The following ANXA1 variants were observed in gnomAD, a reference collection of about 807,000 sequenced individuals.
The protein encoded by ANXA1 is annexin I (lipocortin I).
ANXA1 carries 39 observed loss-of-function variants against 47.9 expected under a neutral mutation model. That is an observed-to-expected ratio of 0.81 (90% CI 0.63 to 1.06). ANXA1 has a LOEUF of 1.06. Among genes scored for constraint, ANXA1 ranks in the 50% least tolerant of loss-of-function variants. ANXA1 has a pLI of 0.00. For missense variants in ANXA1, 446 were observed against 422.7 expected (o/e 1.06, Z -0.48); for synonymous variants, 146 against 142.5 (o/e 1.02, Z -0.17).
chr9:73,152,625 A>G (rs1381603048), intron 1 of ANXA1, among the ~76,000 whole-genome samples: 2 of 152,208 alleles, frequency 1.3e-5, no homozygotes. Flanking sequence ...CCTAAAAAGA[A>G]GGGAAATACT....
At chr9:73,165,964 G>A (rs959423627) in intron 9 of ANXA1, 133 bp from the exon 10 acceptor site, 3 of 593,122 alleles carry the variant, frequency 5.1e-6, no homozygotes, top group African/African-American at 1.9e-5. Flanking sequence ...TGATTAATTG[G>A]GTATATTGCT....
At chr9:73,167,710 T>A in intron 11 of ANXA1, 155 bp downstream of exon 11, 1 of 661,210 alleles carries the variant, frequency 1.5e-6, no homozygotes, top group Non-Finnish European at 2.5e-6. Flanking sequence ...CACTACCTTC[T>A]CAGAATAAAC....
chr9:73,156,066 T>G (rs1824040760), intron 1 of ANXA1, among the ~76,000 whole-genome samples: 1 of 148,480 alleles, frequency 6.7e-6, no homozygotes, highest in Admixed American at 6.7e-5. Context: ...TTCTTTTGCT[T>G]TCTTTTGAAG....
intron 10 of ANXA1, among the ~76,000 whole-genome samples, chr9:73,166,747 G>T (rs141969325): frequency 6.9e-4 from 105 of 152,256 alleles, no homozygotes; most frequent in African/African-American, 2.5e-3. Flanking sequence ...TGGAAAGCTT[G>T]TTAAAATGCA....
At chr9:73,152,843 G>A (rs917849443) in intron 1 of ANXA1, among the ~76,000 whole-genome samples, 5 of 152,114 alleles carry the variant, frequency 3.3e-5, no homozygotes, top group African/African-American at 1.2e-4. Flanking sequence ...TCTTAAACAT[G>A]TTCCTTCAAG....
intron 3 of ANXA1, 28 bp from the exon 4 acceptor site, chr9:73,159,301 T>C: frequency 2.5e-6 from 4 of 1,582,374 alleles, no homozygotes; most frequent in Non-Finnish European, 3.5e-6. Context: ...AAAATTGGTG[T>C]TAAAGGCTGT....
At chr9:73,167,115 G>A (rs1263295633) in intron 10 of ANXA1, among the ~76,000 whole-genome samples, 2 of 152,058 alleles carry the variant, frequency 1.3e-5, no homozygotes, top group Non-Finnish European at 2.9e-5. Flanking sequence ...AGTCTGCAGT[G>A]TCTGTTGTTC....
intron 6 of ANXA1, 130 bp from the exon 7 acceptor site, chr9:73,162,652 T>G (rs1467727069): frequency 1.9e-6 from 1 of 522,920 alleles, no homozygotes; most frequent in Non-Finnish European, 3.2e-6. Context: ...AATGATAATA[T>G]TTTGCAACAT....
At chr9:73,163,635 C>A (rs1824180811) in intron 8 of ANXA1, 103 bp downstream of exon 8, 4 of 1,136,568 alleles carry the variant, frequency 3.5e-6, no homozygotes, top group Non-Finnish European at 3.9e-6. Flanking sequence ...TTCTGAGAGA[C>A]CAATGGCTTC....
Position 73,170,195 on chromosome 9 carries a change from C to T in ANXA1, c.*88C>T. 18 of 1,094,558 alleles carry T rather than the reference C, an allele frequency of 1.6e-5. No homozygotes were observed. The highest frequency in any genetic ancestry group is 2.1e-5 in the Non-Finnish European group (16 of 761,340). The allele number at this position is 1,094,558 out of a possible 1,614,324, so 67.8% of individuals were successfully genotyped here. On this transcript the variant is annotated 3_prime_UTR_variant, in exon 13 of 13. Coordinates refer to ENST00000257497, the MANE Select transcript of ANXA1 (RefSeq NM_000700.3). ...AGCTTAAATAGGAAAGTTTCTTCAACAGGATTACAGTGTAGCTACCTACAT... is the reference window on the plus strand; with the variant it reads ...AGCTTAAATAGGAAAGTTTCTTCAATAGGATTACAGTGTAGCTACCTACAT...
chr9:73,153,943 G>A (rs1023001978), intron 1 of ANXA1, among the ~76,000 whole-genome samples: 1 of 152,176 alleles, frequency 6.6e-6, no homozygotes, highest in Non-Finnish European at 1.5e-5. Flanking sequence ...GGAGAGCATG[G>A]AAGGTCACCG....
At chr9:73,165,518 A>G (rs75749617) in intron 9 of ANXA1, 2,425 of 179,928 alleles carry the variant, frequency 0.013, 60 homozygotes, top group African/African-American at 0.055. Context: ...AAATGAAATT[A>G]GAATGAAGAA....
intron 1 of ANXA1, among the ~76,000 whole-genome samples, chr9:73,153,925 A>G (rs1824007752): frequency 6.6e-6 from 1 of 152,148 alleles, no homozygotes. Flanking sequence ...TGAAGTCAGG[A>G]TGCTTTGGGA....
At position 73,163,877 on chromosome 9, in the gene ANXA1, A is replaced by G. The variant is rs534267137; in HGVS notation, c.612+345A>G. ...GTAATTTTTTTATTATGTGCAATGG[A>G]AAGAGTAAGCATATTTAACGTTATT... On this transcript the variant is annotated intron_variant, in intron 8 of 12. Coordinates refer to ENST00000257497, the MANE Select transcript of ANXA1 (RefSeq NM_000700.3). 2.0e-5 allele frequency among the ~76,000 whole-genome samples: 3 copies of G among 152,284 alleles called. No individual in the cohort carries two copies. In the East Asian group the frequency reaches 5.8e-4, roughly 29 times the overall value.
intron 1 of ANXA1, among the ~76,000 whole-genome samples, chr9:73,153,274 A>T (rs1000373649): frequency 6.6e-6 from 1 of 152,180 alleles, no homozygotes; most frequent in Non-Finnish European, 1.5e-5. Flanking sequence ...TCTGAATATG[A>T]CGTTAGCTCT....
chr9:73,167,380 G>A, intron 10 of ANXA1, 117 bp from the exon 11 acceptor site: 1 of 840,072 alleles, frequency 1.2e-6, no homozygotes, highest in Non-Finnish European at 1.9e-6. Context: ...GAGAGGTGAA[G>A]AATGATGATG....
intron 10 of ANXA1, among the ~76,000 whole-genome samples, chr9:73,167,127 T>G (rs1233032807): frequency 6.6e-6 from 1 of 152,150 alleles, no homozygotes; most frequent in Non-Finnish European, 1.5e-5. Context: ...CTGTTGTTCA[T>G]AGGGTGTTCT....
intron 1 of ANXA1, among the ~76,000 whole-genome samples, chr9:73,152,435 C>T (rs750101412): frequency 2.0e-5 from 3 of 152,102 alleles, no homozygotes; most frequent in African/African-American, 7.2e-5. Context: ...TAGATTCAGA[C>T]CTCAAAGTGC....
At chr9:73,156,866 G>A (rs945091882) in intron 1 of ANXA1, among the ~76,000 whole-genome samples, 2 of 151,774 alleles carry the variant, frequency 1.3e-5, no homozygotes, top group Non-Finnish European at 2.9e-5. Flanking sequence ...TAGACCTTGA[G>A]CAAGGCCTCT....
Sources: allele counts gnomAD v4.1 joint callset (sites outside exome capture counted in the v4.1 genomes callset), GRCh38; gene constraint gnomAD v4.1.1; transcripts MANE v1.5; gene names NCBI Gene and HGNC (gene_info 2026-07-23, HGNC 2026-07-21).